The following SLC25A21 variants were observed in gnomAD, a reference collection of about 807,000 sequenced individuals.
SLC25A21 encodes the protein mitochondrial 2-oxodicarboxylate carrier.
A neutral mutation model predicts 43.8 loss-of-function variants in SLC25A21; 47 were observed. The observed-to-expected ratio is 1.07, with a 90% CI of 0.85 to 1.37. The LOEUF (loss-of-function observed/expected upper bound fraction) is 1.37, where lower values mean the gene tolerates loss of function less well. Ranked by LOEUF, SLC25A21 falls within the 40% of genes most tolerant of loss-of-function variation. SLC25A21 has a pLI of 0.00. For missense variants in SLC25A21, 352 were observed against 350.2 expected, an observed-to-expected ratio of 1.00 and a Z score of -0.04; for synonymous variants, 131 against 121.3, an observed-to-expected ratio of 1.08 and a Z score of -0.52.
intron 1 of SLC25A21, among the ~76,000 whole-genome samples, chr14:36,958,458 A>T (rs772156671): frequency 5.9e-5 from 9 of 152,212 alleles, no homozygotes; most frequent in Non-Finnish European, 1.3e-4. Flanking sequence ...TCCTGCAGGT[A>T]TGTGTTTCAT....
intron 9 of SLC25A21, among the ~76,000 whole-genome samples, chr14:36,682,245 T>C (rs1481167381): frequency 6.6e-6 from 1 of 152,070 alleles, no homozygotes; most frequent in Admixed American, 6.6e-5. Flanking sequence ...AATCTTTAAC[T>C]CAGTGGTACC....
intron 7 of SLC25A21, among the ~76,000 whole-genome samples, chr14:36,706,298 T>A (rs1883562091): frequency 6.6e-6 from 1 of 152,226 alleles, no homozygotes; most frequent in Non-Finnish European, 1.5e-5. Flanking sequence ...TATTATTTGT[T>A]TTAATCTTCA....
intron 7 of SLC25A21, among the ~76,000 whole-genome samples, chr14:36,695,632 T>C (rs1175700890): frequency 6.6e-6 from 1 of 152,210 alleles, no homozygotes; most frequent in African/African-American, 2.4e-5. Flanking sequence ...TTCACATTCC[T>C]TGTAAGTTTG....
At chr14:37,050,601 A>G (rs543389341) in intron 1 of SLC25A21, among the ~76,000 whole-genome samples, 18 of 152,306 alleles carry the variant, frequency 1.2e-4, no homozygotes, top group Non-Finnish European at 1.9e-4. Context: ...GAATGTCATG[A>G]GCCTTGGAAG....
chr14:36,980,338 T>C (rs1959990698), intron 1 of SLC25A21, among the ~76,000 whole-genome samples: 1 of 152,172 alleles, frequency 6.6e-6, no homozygotes, highest in Non-Finnish European at 1.5e-5. Context: ...TCCTGAAGAG[T>C]GTTTTCCAAC....
intron 1 of SLC25A21, chr14:37,171,975 C>T (rs1048979657): frequency 2.5e-6 from 1 of 404,366 alleles, no homozygotes; most frequent in Non-Finnish European, 4.4e-6. Flanking sequence ...GCAAAAAGAC[C>T]GCCTCAAAGT....
intron 4 of SLC25A21, among the ~76,000 whole-genome samples, chr14:36,731,464 T>C (rs1350808270): frequency 6.6e-6 from 1 of 152,158 alleles, no homozygotes; most frequent in African/African-American, 2.4e-5. Context: ...TTAAATAAGA[T>C]AATTTAAGTA....
At chr14:36,737,892 A>C (rs2139234889) in intron 3 of SLC25A21, among the ~76,000 whole-genome samples, 1 of 152,308 alleles carries the variant, frequency 6.6e-6, no homozygotes, top group African/African-American at 2.4e-5. Context: ...CCAGAATTTA[A>C]GCCTAGTTAC....
chr14:36,894,089 AG>A (rs1466655088), intron 1 of SLC25A21, among the ~76,000 whole-genome samples: 1 of 152,214 alleles, frequency 6.6e-6, no homozygotes, highest in Non-Finnish European at 1.5e-5. Context: ...AGTCATTGGT[AG>A]CTTGATGGGG....
intron 1 of SLC25A21, among the ~76,000 whole-genome samples, chr14:36,980,240 C>T (rs1352781022): frequency 1.3e-5 from 2 of 152,116 alleles, no homozygotes; most frequent in African/African-American, 4.8e-5. Context: ...TTGCCCTTCT[C>T]GAGGAGTATC....
intron 1 of SLC25A21, among the ~76,000 whole-genome samples, chr14:36,909,374 C>T (rs1891623146): frequency 1.3e-5 from 2 of 152,138 alleles, no homozygotes; most frequent in Admixed American, 1.3e-4. Flanking sequence ...GCACCAATTC[C>T]CTGATATGAT....
Position 37,013,568 on chromosome 14 carries a change from G to A in SLC25A21, c.71-138564C>T, listed in dbSNP as rs554782104. Among the ~76,000 whole-genome samples the A allele has an allele frequency of 4.6e-5, 7 of 152,220 alleles. No homozygotes were observed. In the South Asian group the frequency reaches 1.5e-3, roughly 32 times the overall value. ...TAACACAAATAGACAACAAAACACT[G>A]ATTTCTAAATTGCCCTCCAAAAACT... On this transcript the variant is annotated intron_variant, in intron 1 of 9. Transcript: ENST00000331299.
intron 1 of SLC25A21, among the ~76,000 whole-genome samples, chr14:36,938,671 T>C (rs2138646113): frequency 6.6e-6 from 1 of 152,178 alleles, no homozygotes; most frequent in African/African-American, 2.4e-5. Context: ...CATCTCGTTG[T>C]TTTATTCAAT....
chr14:36,770,677 C>T (rs956541153), intron 3 of SLC25A21, among the ~76,000 whole-genome samples: 2 of 152,108 alleles, frequency 1.3e-5, no homozygotes, highest in Non-Finnish European at 2.9e-5. Flanking sequence ...CTTGGTGAGG[C>T]ATATAATCCC....
At chr14:37,119,599 T>A (rs1163597498) in intron 1 of SLC25A21, among the ~76,000 whole-genome samples, 1 of 152,012 alleles carries the variant, frequency 6.6e-6, no homozygotes, top group East Asian at 1.9e-4. Context: ...ACTATAAGCA[T>A]AATCAGTTGA....
intron 3 of SLC25A21, among the ~76,000 whole-genome samples, chr14:36,744,914 G>T (rs1035865065): frequency 7.2e-5 from 11 of 151,896 alleles, no homozygotes; most frequent in Admixed American, 1.3e-4. Flanking sequence ...CAACGTGCAG[G>T]TTTATTACAT....
intron 1 of SLC25A21, among the ~76,000 whole-genome samples, chr14:37,013,023 G>C (rs1960766892): frequency 6.6e-6 from 1 of 152,160 alleles, no homozygotes; most frequent in Admixed American, 6.5e-5. Flanking sequence ...TCAGAGTCTA[G>C]CTAAACAAAA....
intron 1 of SLC25A21, among the ~76,000 whole-genome samples, chr14:37,117,326 A>C (rs1963123967): frequency 6.6e-6 from 1 of 152,146 alleles, no homozygotes; most frequent in South Asian, 2.1e-4. Flanking sequence ...ATGGTGAAAA[A>C]TTTATTCCCA....
chr14:36,875,566 GCATTGTTCTAA>G (rs1890496776), intron 1 of SLC25A21, among the ~76,000 whole-genome samples: 1 of 152,140 alleles, frequency 6.6e-6, no homozygotes, highest in South Asian at 2.1e-4. Context: ...TGTGTGCTAG[GCATTGTTCTAA>G]GCAGTACTTA....
Sources: gnomAD v4.1 joint callset for allele counts (sites outside exome capture counted in the v4.1 genomes callset) on GRCh38, gnomAD v4.1.1 for gene constraint, MANE v1.5 for transcripts, NCBI Gene and HGNC (gene_info 2026-07-23, HGNC 2026-07-21) for gene names.